The following HABP4 variants were observed in gnomAD, a reference collection of about 807,000 sequenced individuals.
HABP4 encodes hyaluronan binding protein 4, also known as intracellular hyaluronan-binding protein 4.
In HABP4, 32 loss-of-function variants were observed where a neutral mutation model predicts 44.1. That is an observed-to-expected ratio of 0.73 (90% CI 0.55 to 0.97). The LOEUF (loss-of-function observed/expected upper bound fraction) is 0.97, where lower values mean the gene tolerates loss of function less well. HABP4 is among the 50% of genes least tolerant of loss of function. The pLI, the probability that HABP4 is intolerant of heterozygous loss-of-function variation, is 0.00. For missense variants in HABP4, 503 were observed against 561.9 expected, an observed-to-expected ratio of 0.90 and a Z score of 1.06; for synonymous variants, 216 against 218.0, an observed-to-expected ratio of 0.99 and a Z score of 0.08.
At chr9:96,457,001 A>G (rs1369956363) in intron 1 of HABP4, among the ~76,000 whole-genome samples, 1 of 151,744 alleles carries the variant, frequency 6.6e-6, no homozygotes. Flanking sequence ...TCCACAATGT[A>G]TTTACCAAGT....
intron 1 of HABP4, among the ~76,000 whole-genome samples, chr9:96,455,689 C>T (rs898652798): frequency 6.6e-6 from 1 of 151,632 alleles, no homozygotes; most frequent in Non-Finnish European, 1.5e-5. Flanking sequence ...TCACTTGAAC[C>T]AGGGAGTTGG....
chr9:96,456,063 A>T (rs538938110), intron 1 of HABP4, among the ~76,000 whole-genome samples: 1 of 152,292 alleles, frequency 6.6e-6, no homozygotes, highest in Non-Finnish European at 1.5e-5. Context: ...TCAAAAAATA[A>T]ATAAATAAAT....
Position 96,450,796 on chromosome 9 carries a change from C to G in HABP4, c.349+168C>G, listed in dbSNP as rs1370526181. 2.0e-5 allele frequency among the ~76,000 whole-genome samples: 3 copies of G among 152,134 alleles called. No individual in the cohort carries two copies. The highest frequency in any genetic ancestry group is 2.1e-4 in the South Asian group (1 of 4,830). On this transcript the variant is annotated intron_variant, in intron 1 of 7. Coordinates refer to ENST00000375249, the MANE Select transcript of HABP4 (RefSeq NM_014282.4). This position sits in a 1 kb window ranked among gnomAD's most constrained non-coding sequence, Gnocchi z 4.8. The stretch of plus-strand genomic sequence containing the variant: ...GGCAGGGGTCACACCCCTTCCAGCT[C>G]TCGCCAGCCTCGTGCGGGGCTCCGG...
At chr9:96,454,448 C>G (rs905650090) in intron 1 of HABP4, among the ~76,000 whole-genome samples, 6 of 127,316 alleles carry the variant, frequency 4.7e-5, no homozygotes, top group African/African-American at 1.7e-4. Context: ...GTTCTGAACT[C>G]TTTTTTTTTT....
Position 96,490,053 on chromosome 9 carries a change from C to T in HABP4, c.*15C>T. 2 of 1,554,986 alleles carry T rather than the reference C, an allele frequency of 1.3e-6. No homozygotes were observed. The highest frequency in any genetic ancestry group is 1.8e-6 in the Non-Finnish European group (2 of 1,125,832). On this transcript the variant is annotated 3_prime_UTR_variant, in exon 8 of 8. Coordinates refer to ENST00000375249, the MANE Select transcript of HABP4 (RefSeq NM_014282.4). The stretch of plus-strand genomic sequence containing the variant: ...CGCTGTCTTGAAAGAGCCCTGTTTC[C>T]CAGCACCGCGGAGCTGCACTGCACA...
At chr9:96,455,895 A>G (rs1176309714) in intron 1 of HABP4, among the ~76,000 whole-genome samples, 1 of 151,634 alleles carries the variant, frequency 6.6e-6, no homozygotes, top group African/African-American at 2.4e-5. Context: ...TCTCTACTAA[A>G]AATACAAAAC....
At chr9:96,481,870 A>G (rs1282487184) in intron 5 of HABP4, among the ~76,000 whole-genome samples, 1 of 152,110 alleles carries the variant, frequency 6.6e-6, no homozygotes, top group African/African-American at 2.4e-5. Context: ...CCATTTTAAT[A>G]TATATAATTT....
chr9:96,488,330 G>T lies in HABP4; in HGVS notation c.1185+56G>T. On this transcript the variant is annotated intron_variant, in intron 7 of 7. Coordinates refer to ENST00000375249, the MANE Select transcript of HABP4 (RefSeq NM_014282.4). This position sits in a 1 kb window ranked among gnomAD's most constrained non-coding sequence, Gnocchi z 4.6. ...GAAGTTAATAAGGACAGTGCCCTGG[G>T]CCCAGGATGGTCTAATTTCAGAGGG... 3.3e-6 allele frequency: 4 copies of T among 1,206,252 alleles called. No homozygotes were observed. In the South Asian group the frequency reaches 5.5e-5, roughly 17 times the overall value. 74.7% of individuals were successfully genotyped at this position (1,206,252 alleles called of 1,614,324 possible).
intron 5 of HABP4, among the ~76,000 whole-genome samples, chr9:96,482,038 C>T (rs1832890043): frequency 6.6e-6 from 1 of 151,734 alleles, no homozygotes; most frequent in East Asian, 1.9e-4. Context: ...CGGGTTCAAG[C>T]GATTCTCCTG....
chr9:96,457,031 A>G (rs1250412516), intron 1 of HABP4, among the ~76,000 whole-genome samples: 1 of 151,820 alleles, frequency 6.6e-6, no homozygotes, highest in African/African-American at 2.4e-5. Context: ...CTTCAAACAT[A>G]GACTTTGCTT....
intron 1 of HABP4, among the ~76,000 whole-genome samples, chr9:96,457,326 A>AG (rs1272581118): frequency 6.6e-6 from 1 of 151,632 alleles, no homozygotes; most frequent in Non-Finnish European, 1.5e-5. Flanking sequence ...GGGCAACAAG[A>AG]GTGAAACTCA....
At position 96,488,617 on chromosome 9, in the gene HABP4, G is replaced by C. The variant is rs1474621464; in HGVS notation, c.1185+343G>C. On this transcript the variant is annotated intron_variant, in intron 7 of 7. Coordinates refer to ENST00000375249, the MANE Select transcript of HABP4 (RefSeq NM_014282.4). The surrounding 1 kb of genome is among the most constrained non-coding windows in gnomAD (Gnocchi z 4.6). ...CTGATTGTGTGCCTTGGGCTCAGGTGATGCTGTCAGAGTGGACAGAATCCT... is the reference window on the plus strand; with the variant it reads ...CTGATTGTGTGCCTTGGGCTCAGGTCATGCTGTCAGAGTGGACAGAATCCT... 2.0e-5 allele frequency among the ~76,000 whole-genome samples: 3 copies of C among 152,314 alleles called. No homozygotes were observed. The East Asian group carries it at 5.8e-4, about 29-fold the overall frequency.
chr9:96,473,406 C>T (rs1295636591), intron 5 of HABP4, among the ~76,000 whole-genome samples: 2 of 152,208 alleles, frequency 1.3e-5, no homozygotes, highest in Non-Finnish European at 2.9e-5. Flanking sequence ...TCCCTCTGCT[C>T]TGGTGATTGT....
At chr9:96,452,483 C>T (rs577773819) in intron 1 of HABP4, among the ~76,000 whole-genome samples, 2 of 152,170 alleles carry the variant, frequency 1.3e-5, no homozygotes, top group African/African-American at 4.8e-5. Context: ...CAACCTGTTT[C>T]CTGCACTTGA....
Position 96,471,016 on chromosome 9 carries a change from T to G in HABP4, c.749T>G (p.Val250Gly). ...TWGSGKDTSD[V>G]EPTAPMEEPT... ...AGGGTCTTGCTGTTTTTCAGTGATG[T>G]GGAGCCAACTGCACCGATGGAGGAA... is the stretch of plus-strand genomic sequence containing the variant. Residue 250 changes from valine (V) to glycine (G), a missense_variant, in exon 5 of 8, where the codon GTG becomes GGG. Val to Gly is a moderately radical substitution (Grantham distance 109). Coordinates refer to ENST00000375249, the MANE Select transcript of HABP4 (RefSeq NM_014282.4). The G allele has an allele frequency of 2.5e-6, 4 of 1,589,704 alleles. No individual in the cohort carries two copies. The highest frequency in any genetic ancestry group is 3.5e-6 in the Non-Finnish European group (4 of 1,157,756).
In HABP4 at chr9:96,465,732, A is replaced by G. The variant is rs1832589466; in HGVS notation, c.697A>G (p.Met233Val). The G allele has an allele frequency of 5.0e-6, 8 of 1,604,548 alleles. No homozygotes were observed. Among genetic ancestry groups the G allele is most frequent in the African/African-American group, 1.3e-5 (1 of 74,706 alleles). ...TAGAGCAGTCAGAACTGAAGACAAC[A>G]TGGGTGGATGTGGAGTTCGAACCTG... ...DKIAVRTEDN[M>V]GGCGVRTWGS... Residue 233 changes from methionine to valine, a missense_variant, in exon 4 of 8, where the codon ATG becomes GTG. By Grantham distance (21) the Met-to-Val change is conservative. Coordinates refer to ENST00000375249, the MANE Select transcript of HABP4 (RefSeq NM_014282.4).
intron 5 of HABP4, among the ~76,000 whole-genome samples, chr9:96,474,036 G>A (rs1359761600): frequency 6.6e-6 from 1 of 152,134 alleles, no homozygotes; most frequent in Non-Finnish European, 1.5e-5. Context: ...GTGTGTGTGC[G>A]TGCGTTTATA....
chr9:96,479,552 G>A (rs1433741754), intron 5 of HABP4, among the ~76,000 whole-genome samples: 1 of 150,994 alleles, frequency 6.6e-6, no homozygotes, highest in Middle Eastern at 3.4e-3. Context: ...CACTCTTGCC[G>A]AGCCTGGAGT....
chr9:96,456,695 G>A (rs1832382910), intron 1 of HABP4, among the ~76,000 whole-genome samples: 2 of 144,102 alleles, frequency 1.4e-5, no homozygotes, highest in African/African-American at 5.1e-5. Flanking sequence ...GGGAGGCGGT[G>A]CTTGCAGTGA....
Sources: allele counts gnomAD v4.1 joint callset (sites outside exome capture counted in the v4.1 genomes callset), GRCh38; gene constraint gnomAD v4.1.1; non-coding constraint Gnocchi (gnomAD v3.1); transcripts MANE v1.5; gene names NCBI Gene and HGNC (gene_info 2026-07-23, HGNC 2026-07-21).